The following DLGAP2 variants were observed in gnomAD, a reference collection of about 807,000 sequenced individuals.
DLGAP2 encodes disks large-associated protein 2.
In DLGAP2, 26 loss-of-function variants were observed where a neutral mutation model predicts 100.3. The observed-to-expected ratio is 0.26, with a 90% CI of 0.19 to 0.36. The LOEUF (loss-of-function observed/expected upper bound fraction) is 0.36, where lower values mean the gene tolerates loss of function less well. DLGAP2 is among the 10% of genes least tolerant of loss of function. The pLI is 1.00. For missense variants in DLGAP2, 1,858 were observed against 1,453.2 expected, an observed-to-expected ratio of 1.28 and a Z score of -4.53; for synonymous variants, 886 against 630.1, an observed-to-expected ratio of 1.41 and a Z score of -6.08.
chr8:1,175,003 C>G (rs1176414057), intron 2 of DLGAP2, among the ~76,000 whole-genome samples: 1 of 152,096 alleles, frequency 6.6e-6, no homozygotes, highest in Non-Finnish European at 1.5e-5. Flanking sequence ...AGATATTTCC[C>G]TATAAAAGTA....
intron 3 of DLGAP2, among the ~76,000 whole-genome samples, chr8:1,418,801 C>T (rs1797009121): frequency 6.6e-6 from 1 of 152,224 alleles, no homozygotes; most frequent in African/African-American, 2.4e-5. Flanking sequence ...TTCCCTCAGA[C>T]CCCGCAGGTT....
At chr8:1,378,572 C>T (rs57219458) in intron 3 of DLGAP2, among the ~76,000 whole-genome samples, 13,142 of 151,780 alleles carry the variant, frequency 0.087, 852 homozygotes, top group East Asian at 0.25. Flanking sequence ...GTCCTGCGCA[C>T]ACCTGGCCTC....
chr8:1,519,330 C>T (rs1160705153), intron 4 of DLGAP2, among the ~76,000 whole-genome samples: 1 of 152,024 alleles, frequency 6.6e-6, no homozygotes, highest in African/African-American at 2.4e-5. Context: ...AAAATCTAAA[C>T]ATGTGCTTTG....
intron 9 of DLGAP2, among the ~76,000 whole-genome samples, chr8:1,669,113 G>T (rs935511500): frequency 6.6e-5 from 10 of 152,198 alleles, no homozygotes; most frequent in Admixed American, 4.6e-4. Context: ...AAAAGGTGCT[G>T]GGAATGAAGA....
At chr8:773,910 G>A (rs1257259319) in intron 1 of DLGAP2, among the ~76,000 whole-genome samples, 2 of 152,306 alleles carry the variant, frequency 1.3e-5, no homozygotes, top group East Asian at 1.9e-4. Flanking sequence ...CTAGATCCCA[G>A]AGGAATCGCC....
At chr8:960,484 C>T (rs918679536) in intron 2 of DLGAP2, among the ~76,000 whole-genome samples, 3 of 152,000 alleles carry the variant, frequency 2.0e-5, no homozygotes, top group African/African-American at 7.2e-5. Flanking sequence ...ATCCGTCTGC[C>T]TTGGCCTCCC....
intron 3 of DLGAP2, among the ~76,000 whole-genome samples, chr8:1,442,110 C>T (rs1370782324): frequency 1.3e-5 from 2 of 152,226 alleles, no homozygotes; most frequent in African/African-American, 4.8e-5. Context: ...TCTGACCTGG[C>T]TAGGAGACAG....
chr8:826,288 G>A (rs931525988), intron 1 of DLGAP2, among the ~76,000 whole-genome samples: 1 of 152,158 alleles, frequency 6.6e-6, no homozygotes, highest in Middle Eastern at 3.2e-3. Flanking sequence ...AGTCAACATG[G>A]GCATGCAGAT....
At chr8:752,603 C>T (rs1341513968) in intron 1 of DLGAP2, among the ~76,000 whole-genome samples, 1 of 152,200 alleles carries the variant, frequency 6.6e-6, no homozygotes, top group Non-Finnish European at 1.5e-5. Flanking sequence ...CCAGACAGCT[C>T]TGTCCTTGCT....
At chr8:969,429 G>A (rs1040244573) in intron 2 of DLGAP2, among the ~76,000 whole-genome samples, 3 of 151,770 alleles carry the variant, frequency 2.0e-5, no homozygotes, top group African/African-American at 7.3e-5. Flanking sequence ...GACTCCTGAC[G>A]AATACACAAA....
intron 2 of DLGAP2, among the ~76,000 whole-genome samples, chr8:982,717 G>C (rs1466987063): frequency 6.6e-6 from 1 of 152,130 alleles, no homozygotes; most frequent in Non-Finnish European, 1.5e-5. Flanking sequence ...GAATGCTGCT[G>C]ACCTAACCAA....
At chr8:1,199,848 A>T (rs576753322) in intron 2 of DLGAP2, among the ~76,000 whole-genome samples, 22 of 152,082 alleles carry the variant, frequency 1.4e-4, no homozygotes, top group African/African-American at 5.3e-4. Context: ...TCTTAGAAAC[A>T]CTGGAATCAT....
chr8:809,848 A>T lies in DLGAP2; in HGVS notation c.18+72023A>T, dbSNP rs118171685. Among the ~76,000 whole-genome samples the T allele has an allele frequency of 3.4e-3, 519 of 152,268 alleles. 13 individuals carry two copies. The highest frequency in any genetic ancestry group is 8.5e-3 in the East Asian group (44 of 5,186). On this transcript the variant is annotated intron_variant, in intron 1 of 14. Coordinates refer to ENST00000637795, the MANE Select transcript of DLGAP2 (RefSeq NM_001346810.2). ...CTTTGTCCCTCACTGTTCATTCTCT[A>T]GGATTTGTCATGGGAAGTACCAGTC... is the stretch of plus-strand genomic sequence containing the variant.
In DLGAP2 at chr8:1,230,258, T is replaced by G. The variant is rs543804586; in HGVS notation, c.74-28593T>G. Among the ~76,000 whole-genome samples the G allele has an allele frequency of 2.0e-5, 3 of 152,342 alleles. No individual in the cohort carries two copies. In the East Asian group the frequency reaches 5.8e-4, roughly 29 times the overall value. Reference sequence around the variant, plus strand: ...GAGCCAAATCAAGAACGCTATCCTATTCTTAATAGCTACAAAAAGAATAAA... The same window carrying G: ...GAGCCAAATCAAGAACGCTATCCTAGTCTTAATAGCTACAAAAAGAATAAA... On this transcript the variant is annotated intron_variant, in intron 2 of 14. Coordinates refer to ENST00000637795, the MANE Select transcript of DLGAP2 (RefSeq NM_001346810.2).
intron 3 of DLGAP2, among the ~76,000 whole-genome samples, chr8:1,376,937 C>T (rs1795957929): frequency 1.3e-5 from 2 of 152,220 alleles, no homozygotes; most frequent in Admixed American, 1.3e-4. Flanking sequence ...AGACGCAGTT[C>T]TGAAGGAATG....
intron 1 of DLGAP2, among the ~76,000 whole-genome samples, chr8:836,631 G>C (rs967543457): frequency 6.6e-6 from 1 of 152,182 alleles, no homozygotes; most frequent in African/African-American, 2.4e-5. Flanking sequence ...AGGGGGTGGG[G>C]TTGGGGTGCT....
At chr8:1,315,509 G>A (rs1315072555) in intron 3 of DLGAP2, among the ~76,000 whole-genome samples, 2 of 136,336 alleles carry the variant, frequency 1.5e-5, no homozygotes, top group Non-Finnish European at 3.1e-5. Flanking sequence ...GTGTGCGAGT[G>A]CAGCGTCTCT....
intron 2 of DLGAP2, among the ~76,000 whole-genome samples, chr8:1,091,082 G>C (rs992685632): frequency 1.3e-5 from 2 of 152,118 alleles, no homozygotes; most frequent in African/African-American, 4.8e-5. Flanking sequence ...TGCGCACAGG[G>C]CTCCGGGCAG....
At chr8:1,161,024 T>C (rs563824365) in intron 2 of DLGAP2, among the ~76,000 whole-genome samples, 43 of 152,372 alleles carry the variant, frequency 2.8e-4, no homozygotes, top group African/African-American at 1.0e-3. Flanking sequence ...CATTTACTTA[T>C]ATCCAACTTA....
Sources: gnomAD v4.1 joint callset for allele counts (sites outside exome capture counted in the v4.1 genomes callset) on GRCh38, gnomAD v4.1.1 for gene constraint, MANE v1.5 for transcripts, NCBI Gene and HGNC (gene_info 2026-07-23, HGNC 2026-07-21) for gene names.